Variants in RAD51D observed in about 807,000 individuals in gnomAD.
RAD51D encodes DNA repair protein RAD51 homolog 4.
Under a neutral mutation model 44.1 loss-of-function variants are expected in RAD51D, and 38 were observed. The ratio of observed to expected loss-of-function variants is 0.86; its 90% CI spans 0.67 to 1.13. The LOEUF is 1.13. RAD51D is among the 50% of genes most tolerant of loss of function. The pLI, the probability that RAD51D is intolerant of heterozygous loss-of-function variation, is 0.00. For missense variants in RAD51D, 390 were observed against 414.0 expected, an observed-to-expected ratio of 0.94 and a Z score of 0.50; for synonymous variants, 141 against 166.6, an observed-to-expected ratio of 0.85 and a Z score of 1.18.
At chr17:35,111,605 A>G (rs2091677989) in intron 3 of RAD51D, among the ~76,000 whole-genome samples, 1 of 151,820 alleles carries the variant, frequency 6.6e-6, no homozygotes, top group Non-Finnish European at 1.5e-5. Flanking sequence ...GTGGAGGTCT[A>G]TTTCTGGGTT....
At chr17:35,119,321 G>A in intron 1 of RAD51D, 149 bp from the exon 2 acceptor site, 1 of 918,620 alleles carries the variant, frequency 1.1e-6, no homozygotes, top group South Asian at 1.4e-5. Context: ...TGCAGGAGCC[G>A]GCGCGGTGCC....
chr17:35,114,944 G>GT (rs1237488066), intron 3 of RAD51D, among the ~76,000 whole-genome samples: 5 of 152,210 alleles, frequency 3.3e-5, no homozygotes, highest in African/African-American at 9.7e-5. Flanking sequence ...AAGCACTGGT[G>GT]TTGACTCTAG....
At chr17:35,102,504 C>A (rs2091551612) in intron 8 of RAD51D, among the ~76,000 whole-genome samples, 1 of 151,598 alleles carries the variant, frequency 6.6e-6, no homozygotes, top group Admixed American at 6.6e-5. Context: ...TGGGCTCACA[C>A]CTGTAATACC....
At chr17:35,105,038 C>T (rs2091582662) in intron 6 of RAD51D, 1 of 152,086 alleles carries the variant, frequency 6.6e-6, no homozygotes, top group African/African-American at 2.4e-5. Context: ...GTTTTGGTAA[C>T]TTATTATGCA....
rs1415987733 is a variant in RAD51D, at chr17:35,096,567, A to G, written c.*4386T>C. On this transcript the variant is annotated 3_prime_UTR_variant, in exon 10 of 10. Transcript: ENST00000345365. ...CTCAGACTTCCTGTTATCAGAGATA[A>G]TAAGTGTCCCTGCCAGGCATGGTGG... The G allele has an allele frequency of 6.6e-6, 1 of 152,272 alleles. No homozygotes were observed. The highest frequency in any genetic ancestry group is 1.5e-5 in the Non-Finnish European group (1 of 68,080). The allele number at this position is 152,272 out of a possible 1,614,324, so 9.4% of individuals were successfully genotyped here.
Position 35,103,971 on chromosome 17 carries a change from A to G in RAD51D, c.577-427T>C, listed in dbSNP as rs2091570103. Among the ~76,000 whole-genome samples, 1 of 152,148 alleles carries G rather than the reference A, an allele frequency of 6.6e-6. No homozygotes were observed. The highest frequency in any genetic ancestry group is 1.9e-4 in the East Asian group (1 of 5,196). On this transcript the variant is annotated intron_variant, in intron 6 of 9. Coordinates refer to ENST00000345365, the MANE Select transcript of RAD51D (RefSeq NM_002878.4). This position sits in a 1 kb window ranked among gnomAD's most constrained non-coding sequence, Gnocchi z 4.1. The stretch of plus-strand genomic sequence containing the variant: ...TGCACACCTGTAATCCCAGCTACTC[A>G]GGAGGCTGAGGCAGGAGAATCGCTT...
chr17:35,114,001 A>G (rs574968832), intron 3 of RAD51D, among the ~76,000 whole-genome samples: 161 of 152,170 alleles, frequency 1.1e-3, no homozygotes, highest in African/African-American at 3.8e-3. Context: ...GGCTGGACGC[A>G]GTGGCTCTCG....
In RAD51D at chr17:35,099,537, TAGGA is replaced by T. The variant is rs1567723613; in HGVS notation, c.*1412_*1415del. ...TGAGGTCTTCTGTGAAAGCAAGCGC[TAGGA>T]TTCCCCCAGGCTTAGGCTTACCAAC... is the stretch of plus-strand genomic sequence containing the variant. On this transcript the variant is annotated 3_prime_UTR_variant, in exon 10 of 10. Coordinates refer to ENST00000345365, the MANE Select transcript of RAD51D (RefSeq NM_002878.4). The T allele has an allele frequency of 3.6e-6, 1 of 276,172 alleles. No individual in the cohort carries two copies. Among genetic ancestry groups the T allele is most frequent in the Non-Finnish European group, 7.1e-6 (1 of 139,970 alleles). 17.1% of individuals were successfully genotyped at this position (276,172 alleles called of 1,614,324 possible). A position where few individuals can be genotyped will look rare whatever the true frequency, so the allele number is the denominator to read the frequency against.
intron 1 of RAD51D, 90 bp downstream of exon 1, chr17:35,119,442 C>A (rs932831748): frequency 4.3e-6 from 6 of 1,406,828 alleles, no homozygotes; most frequent in Admixed American, 3.4e-5. Context: ...AAGCGCCCTG[C>A]AGGTATGCCA....
chr17:35,113,301 G>C (rs1269406706), intron 3 of RAD51D, among the ~76,000 whole-genome samples: 1 of 151,852 alleles, frequency 6.6e-6, no homozygotes, highest in Non-Finnish European at 1.5e-5. Flanking sequence ...ACGGAGTCTC[G>C]CTCTGTCACC....
intron 3 of RAD51D, among the ~76,000 whole-genome samples, chr17:35,111,442 T>TAG (rs931242667): frequency 6.6e-6 from 1 of 150,922 alleles, no homozygotes; most frequent in Non-Finnish European, 1.5e-5. Context: ...CCCACACCTG[T>TAG]AGTCCCAGCT....
intron 6 of RAD51D, among the ~76,000 whole-genome samples, chr17:35,105,192 C>T (rs1021370850): frequency 6.6e-5 from 10 of 152,232 alleles, no homozygotes; most frequent in African/African-American, 2.4e-4. Context: ...CTCCGGCCTT[C>T]ACTCTTCTCA....
At chr17:35,107,546 T>G in intron 3 of RAD51D, 99 bp from the exon 4 acceptor site, 1 of 1,005,056 alleles carries the variant, frequency 9.9e-7, no homozygotes, top group South Asian at 1.3e-5. Context: ...CAAGCACTGG[T>G]TCTGTCTTTG....
rs1345531049 is a variant in RAD51D, at chr17:35,093,295, G to A, written c.*7658C>T. On this transcript the variant is annotated 3_prime_UTR_variant, in exon 10 of 10. Coordinates refer to ENST00000345365, the MANE Select transcript of RAD51D (RefSeq NM_002878.4). Reference sequence around the variant, plus strand: ...GACTGTTATTCATCCATTGTTATATGGCAAGTAAATGTCAAAGCTAGGACC... The same window carrying A: ...GACTGTTATTCATCCATTGTTATATAGCAAGTAAATGTCAAAGCTAGGACC... 6.6e-6 allele frequency: 1 copy of A among 152,108 alleles called. No individual in the cohort carries two copies. Among genetic ancestry groups the A allele is most frequent in the Non-Finnish European group, 1.5e-5 (1 of 68,018 alleles). 9.4% of individuals were successfully genotyped at this position (152,108 alleles called of 1,614,324 possible). A position where few individuals can be genotyped will look rare whatever the true frequency, so the allele number is the denominator to read the frequency against.
chr17:35,116,920 C>T (rs1388760663), intron 3 of RAD51D: 2 of 1,610,124 alleles, frequency 1.2e-6, no homozygotes, highest in South Asian at 2.2e-5. Flanking sequence ...CCATCTGTTC[C>T]TCCATGCCCA....
At position 35,094,723 on chromosome 17, in the gene RAD51D, C is replaced by T. The variant is rs534790800; in HGVS notation, c.*6230G>A. The T allele has an allele frequency of 1.4e-4, 22 of 152,318 alleles. No individual in the cohort carries two copies. Among genetic ancestry groups the T allele is most frequent in the African/African-American group, 3.9e-4 (16 of 41,556 alleles). 9.4% of individuals were successfully genotyped at this position (152,318 alleles called of 1,614,324 possible). On this transcript the variant is annotated 3_prime_UTR_variant, in exon 10 of 10. Transcript: ENST00000345365. Reference sequence around the variant, plus strand: ...TCAGGCAGACATGTGTCTGGATTCCCGTGCTGCCACTTATTAGCTTTATGT... The same window carrying T: ...TCAGGCAGACATGTGTCTGGATTCCTGTGCTGCCACTTATTAGCTTTATGT...
Position 35,097,875 on chromosome 17 carries a change from C to T in RAD51D, c.*3078G>A, listed in dbSNP as rs1193850681. 5.3e-5 allele frequency: 8 copies of T among 152,322 alleles called. No homozygotes were observed. The highest frequency in any genetic ancestry group is 7.3e-5 in the Non-Finnish European group (5 of 68,042). The allele number at this position is 152,322 out of a possible 1,614,324, so 9.4% of individuals were successfully genotyped here. A position where few individuals can be genotyped will look rare whatever the true frequency, so the allele number is the denominator to read the frequency against. Reference sequence around the variant, plus strand: ...AAAAGGATGTCAGGGTGGGTGTGCACCAGACACAGTGGGAGCTGGGCAGAG... The same window carrying T: ...AAAAGGATGTCAGGGTGGGTGTGCATCAGACACAGTGGGAGCTGGGCAGAG... On this transcript the variant is annotated 3_prime_UTR_variant, in exon 10 of 10. Transcript: ENST00000345365.
rs878854564 is a variant in RAD51D at position 35,106,472 on chromosome 17, G to C, written c.490C>G (p.Leu164Val). The part of the protein sequence containing the change: ...TQDEEEQAEA[L>V]RRIQVVHAFD... Reference sequence around the variant, plus strand: ...GCATGCACCACCTGGATCCTCCGGAGAGCTTCTGCCTGAAGCGGTGGAAAA... The same window carrying C: ...GCATGCACCACCTGGATCCTCCGGACAGCTTCTGCCTGAAGCGGTGGAAAA... Residue 164 changes from leucine (L) to valine (V), a missense_variant, in exon 6 of 10, where the codon CTC becomes GTC. Transcript: ENST00000345365. 4.3e-6 allele frequency: 7 copies of C among 1,612,302 alleles called. No homozygotes were observed. The highest frequency in any genetic ancestry group is 1.3e-5 in the African/African-American group (1 of 75,032).
chr17:35,113,305 T>C (rs2091699503), intron 3 of RAD51D, among the ~76,000 whole-genome samples: 1 of 152,186 alleles, frequency 6.6e-6, no homozygotes, highest in Non-Finnish European at 1.5e-5. Flanking sequence ...AGTCTCGCTC[T>C]GTCACCAGGC....
Sources: allele counts gnomAD v4.1 joint callset (sites outside exome capture counted in the v4.1 genomes callset), GRCh38; gene constraint gnomAD v4.1.1; non-coding constraint Gnocchi (gnomAD v3.1); transcripts MANE v1.5; gene names NCBI Gene and HGNC (gene_info 2026-07-23, HGNC 2026-07-21).